The following CDH13 variants were observed in gnomAD, a reference collection of about 807,000 sequenced individuals.
CDH13 encodes cadherin-13.
A neutral mutation model predicts 63.8 loss-of-function variants in CDH13; 24 were observed. That is an observed-to-expected ratio of 0.38 (90% confidence interval 0.27 to 0.53). The LOEUF (loss-of-function observed/expected upper bound fraction) is 0.53. Among genes scored for constraint, CDH13 ranks in the 20% least tolerant of loss-of-function variants. The pLI, the probability that CDH13 is intolerant of heterozygous loss-of-function variation, is 0.85. For synonymous variants in CDH13, 503 were observed against 355.3 expected, an observed-to-expected ratio of 1.42 and a Z score of -4.67; for missense variants, 1,049 against 903.1, an observed-to-expected ratio of 1.16 and a Z score of -2.07.
chr16:83,113,079 G>T (rs9930312), intron 3 of CDH13, among the ~76,000 whole-genome samples: 78,335 of 151,936 alleles, frequency 0.52, 20,650 homozygotes, highest in Non-Finnish European at 0.57. Context: ...TGCTATCGAA[G>T]GAAAAAGGGA....
chr16:82,943,034 C>G (rs1904315969), intron 2 of CDH13, among the ~76,000 whole-genome samples: 1 of 152,218 alleles, frequency 6.6e-6, no homozygotes. Flanking sequence ...TTTAATATGA[C>G]AGCTCTGCCT....
intron 7 of CDH13, chr16:83,508,378 C>T (rs1269791117): frequency 6.5e-6 from 1 of 154,442 alleles, no homozygotes; most frequent in East Asian, 1.9e-4. Context: ...TGCATCCGCC[C>T]TTCGATGCTT....
At chr16:83,092,036 C>T (rs904405686) in intron 3 of CDH13, among the ~76,000 whole-genome samples, 7 of 152,146 alleles carry the variant, frequency 4.6e-5, no homozygotes, top group African/African-American at 1.4e-4. Context: ...TTTGAAAATC[C>T]TCTAAGTTCT....
intron 6 of CDH13, among the ~76,000 whole-genome samples, chr16:83,415,563 G>A (rs1325240148): frequency 6.6e-6 from 1 of 152,106 alleles, no homozygotes; most frequent in Non-Finnish European, 1.5e-5. Flanking sequence ...AGGATCACAG[G>A]TCATGATCAA....
intron 6 of CDH13, among the ~76,000 whole-genome samples, chr16:83,384,871 G>A (rs2091642030): frequency 6.6e-6 from 1 of 152,198 alleles, no homozygotes; most frequent in Non-Finnish European, 1.5e-5. Context: ...AGTCTCATGA[G>A]TTGTCGTGTG....
At chr16:83,112,129 G>T (rs960319165) in intron 3 of CDH13, among the ~76,000 whole-genome samples, 8 of 152,104 alleles carry the variant, frequency 5.3e-5, no homozygotes, top group Admixed American at 5.2e-4. Context: ...TCTCCCGCTG[G>T]GTTTCCTTCT....
At chr16:83,176,664 A>C (rs2038137248) in intron 4 of CDH13, among the ~76,000 whole-genome samples, 1 of 152,128 alleles carries the variant, frequency 6.6e-6, no homozygotes. Context: ...ATAATCTGCA[A>C]GGAATACATT....
chr16:83,127,174 T>C (rs1457321397), intron 4 of CDH13, among the ~76,000 whole-genome samples: 5 of 152,138 alleles, frequency 3.3e-5, no homozygotes, highest in African/African-American at 1.2e-4. Flanking sequence ...CTGGGTTGCA[T>C]GAGAGTAAGC....
At chr16:83,074,989 T>C (rs2032718031) in intron 3 of CDH13, among the ~76,000 whole-genome samples, 1 of 152,150 alleles carries the variant, frequency 6.6e-6, no homozygotes. Context: ...ACCTTACAGC[T>C]TGCTGGGCTG....
chr16:83,686,732 A>C (rs1904339005), intron 10 of CDH13, among the ~76,000 whole-genome samples: 1 of 152,218 alleles, frequency 6.6e-6, no homozygotes, highest in East Asian at 1.9e-4. Flanking sequence ...ATTTTAGTAC[A>C]TTTGATACAG....
chr16:83,512,581 T>G (rs1334306496), intron 7 of CDH13, among the ~76,000 whole-genome samples: 1 of 150,720 alleles, frequency 6.6e-6, no homozygotes, highest in African/African-American at 2.4e-5. Flanking sequence ...CACAGAAGAA[T>G]CATTTGAACC....
At chr16:83,126,800 C>T (rs1002983136) in intron 4 of CDH13, among the ~76,000 whole-genome samples, 5 of 152,152 alleles carry the variant, frequency 3.3e-5, no homozygotes, top group African/African-American at 1.2e-4. Flanking sequence ...ATACACAGTA[C>T]ATGTGATATG....
At chr16:83,055,997 C>G (rs917390856) in intron 3 of CDH13, among the ~76,000 whole-genome samples, 2 of 151,974 alleles carry the variant, frequency 1.3e-5, no homozygotes, top group Non-Finnish European at 2.9e-5. Context: ...ACAACTCCTA[C>G]AAAAATATAA....
chr16:82,784,171 C>G (rs2035895243), intron 1 of CDH13, among the ~76,000 whole-genome samples: 1 of 152,184 alleles, frequency 6.6e-6, no homozygotes, highest in South Asian at 2.1e-4. Flanking sequence ...CCCAACAGCT[C>G]TAGTGGGTGT....
intron 5 of CDH13, among the ~76,000 whole-genome samples, chr16:83,331,300 C>T (rs2090475375): frequency 6.6e-6 from 1 of 152,208 alleles, no homozygotes; most frequent in Admixed American, 6.5e-5. Flanking sequence ...AGACCAAGTT[C>T]TGTCAGGTGC....
intron 6 of CDH13, among the ~76,000 whole-genome samples, chr16:83,427,691 T>G (rs2071954254): frequency 6.6e-6 from 1 of 152,088 alleles, no homozygotes; most frequent in South Asian, 2.1e-4. Flanking sequence ...AGGATTCTCC[T>G]CCACCCTCGG....
intron 6 of CDH13, among the ~76,000 whole-genome samples, chr16:83,433,695 G>A (rs188997223): frequency 5.9e-5 from 9 of 152,246 alleles, no homozygotes; most frequent in East Asian, 3.9e-4. Flanking sequence ...GTGTGGACCC[G>A]GTGACAAATG....
At chr16:83,548,254 G>A (rs2150665577) in intron 7 of CDH13, among the ~76,000 whole-genome samples, 1 of 152,254 alleles carries the variant, frequency 6.6e-6, no homozygotes, top group South Asian at 2.1e-4. Flanking sequence ...TTAGCTCAGT[G>A]GTCCTAAACC....
At chr16:82,662,772 C>T (rs1912111874) in intron 1 of CDH13, among the ~76,000 whole-genome samples, 1 of 152,294 alleles carries the variant, frequency 6.6e-6, no homozygotes, top group Non-Finnish European at 1.5e-5. Context: ...CTTAAACAAC[C>T]ACCAGTATGT....
Sources: allele counts gnomAD v4.1 joint callset (sites outside exome capture counted in the v4.1 genomes callset), GRCh38; gene constraint gnomAD v4.1.1; transcripts MANE v1.5; gene names NCBI Gene and HGNC (gene_info 2026-07-23, HGNC 2026-07-21).